The following EIF4G3 variants were observed in gnomAD, a reference collection of about 807,000 sequenced individuals.
EIF4G3 encodes the protein eukaryotic translation initiation factor 4 gamma 3.
A neutral mutation model predicts 186.4 loss-of-function variants in EIF4G3; 34 were observed. The ratio of observed to expected loss-of-function variants is 0.18; its 90% CI spans 0.14 to 0.24. The LOEUF (loss-of-function observed/expected upper bound fraction) is 0.24. Ranked by LOEUF, EIF4G3 falls within the 10% of genes least tolerant of loss-of-function variation. The pLI is 1.00. For missense variants in EIF4G3, 1,536 were observed against 1,948.5 expected, an observed-to-expected ratio of 0.79 and a Z score of 3.99; for synonymous variants, 673 against 679.5, an observed-to-expected ratio of 0.99 and a Z score of 0.15.
chr1:21,094,764 G>C (rs1479303338), intron 2 of EIF4G3, among the ~76,000 whole-genome samples: 1 of 83,022 alleles, frequency 1.2e-5, no homozygotes, highest in Non-Finnish European at 2.5e-5. Context: ...AGAACTTAAA[G>C]TATAATAATA....
intron 3 of EIF4G3, among the ~76,000 whole-genome samples, chr1:21,074,081 T>A (rs1411970195): frequency 6.6e-6 from 1 of 152,232 alleles, no homozygotes; most frequent in East Asian, 1.9e-4. Context: ...TGAATAAATA[T>A]TAATAATATT....
chr1:21,149,039 T>G (rs2097505587), intron 2 of EIF4G3, among the ~76,000 whole-genome samples: 1 of 151,184 alleles, frequency 6.6e-6, no homozygotes, highest in African/African-American at 2.4e-5. Context: ...GAGGTTACAG[T>G]GAGCTATGAT....
At chr1:20,902,209 G>A (rs1056814301) in intron 15 of EIF4G3, among the ~76,000 whole-genome samples, 8 of 151,836 alleles carry the variant, frequency 5.3e-5, no homozygotes, top group African/African-American at 1.4e-4. Context: ...GATTACAGGC[G>A]CACACTACTA....
chr1:20,965,551 C>A (rs2074440953), intron 12 of EIF4G3, among the ~76,000 whole-genome samples: 1 of 96,182 alleles, frequency 1.0e-5, no homozygotes, highest in African/African-American at 3.4e-5. Flanking sequence ...CTGGCTTCCT[C>A]TCCTTCAATG....
At chr1:20,887,149 G>A (rs935836282) in intron 18 of EIF4G3, among the ~76,000 whole-genome samples, 12 of 152,104 alleles carry the variant, frequency 7.9e-5, no homozygotes, top group South Asian at 2.1e-4. Context: ...AAGCAGACCT[G>A]CTGCATGTTG....
chr1:20,951,097 A>G (rs1185211225), intron 12 of EIF4G3, among the ~76,000 whole-genome samples: 1 of 149,834 alleles, frequency 6.7e-6, no homozygotes, highest in African/African-American at 2.5e-5. Context: ...GGGAGTAGGG[A>G]TGGGGAGATT....
chr1:21,080,082 C>T (rs2095718933), intron 3 of EIF4G3, among the ~76,000 whole-genome samples: 1 of 150,668 alleles, frequency 6.6e-6, no homozygotes, highest in African/African-American at 2.4e-5. Context: ...ACCCAGGAAA[C>T]AAAGGTTGCA....
rs1213211201 is a variant in EIF4G3 at position 21,001,246 on chromosome 1, G to C, written c.97C>G (p.Pro33Ala). 2.1e-6 allele frequency: 1 copy of C among 471,426 alleles called. No homozygotes were observed. The highest frequency in any genetic ancestry group is 2.0e-5 in the African/African-American group (1 of 50,066). The allele number at this position is 471,426 out of a possible 1,614,324, so 29.2% of individuals were successfully genotyped here. ...WKRRKVLEQT[P>A]VYRSLAGRGW... is the part of the protein sequence containing the mutation. Reference sequence around the variant, plus strand: ...CTTCCAGCCAAGGACCTGTAAACGGGAGTCTGTTCCAAAACCTTCCTCCTC... The same window carrying C: ...CTTCCAGCCAAGGACCTGTAAACGGCAGTCTGTTCCAAAACCTTCCTCCTC... Residue 33 changes from proline (P) to alanine (A), a missense_variant, in exon 6 of 37, where the codon CCC becomes GCC. By Grantham distance (27) the Pro-to-Ala change is conservative. Transcript: ENST00000602326.
intron 3 of EIF4G3, among the ~76,000 whole-genome samples, chr1:21,074,837 G>A (rs897816107): frequency 1.3e-5 from 2 of 152,180 alleles, no homozygotes; most frequent in South Asian, 2.1e-4. Flanking sequence ...TGGAGAGGCC[G>A]AGCGAGGTGA....
intron 14 of EIF4G3, among the ~76,000 whole-genome samples, chr1:20,927,407 T>C (rs2094984067): frequency 6.6e-6 from 1 of 152,230 alleles, no homozygotes; most frequent in Non-Finnish European, 1.5e-5. Flanking sequence ...GAAACGACTA[T>C]TTCTACAGGT....
intron 36 of EIF4G3, among the ~76,000 whole-genome samples, chr1:20,808,667 C>G (rs192039350): frequency 4.0e-5 from 6 of 151,896 alleles, no homozygotes; most frequent in South Asian, 2.1e-4. Flanking sequence ...GGTGACAGAG[C>G]GAGAGTCCGT....
chr1:20,864,242 T>C lies in EIF4G3; in HGVS notation c.3006+234A>G, dbSNP rs977152230. On this transcript the variant is annotated intron_variant, in intron 22 of 36. Transcript: ENST00000602326. ...AGAAGAAAAAAGAATATGGGACAAA[T>C]AATCTGAAGAATCTACAAACTGGCT... Among the ~76,000 whole-genome samples, 3 of 152,166 alleles carry C rather than the reference T, an allele frequency of 2.0e-5. No homozygotes were observed. The South Asian group carries it at 6.2e-4, about 32-fold the overall frequency.
At chr1:20,900,924 ACTT>A (rs2090079530) in intron 15 of EIF4G3, among the ~76,000 whole-genome samples, 1 of 152,160 alleles carries the variant, frequency 6.6e-6, no homozygotes, top group Non-Finnish European at 1.5e-5. Flanking sequence ...AGTGACAAAT[ACTT>A]CTTTGTTAGA....
intron 2 of EIF4G3, among the ~76,000 whole-genome samples, chr1:21,135,246 T>C (rs2097218128): frequency 1.3e-5 from 2 of 152,326 alleles, no homozygotes; most frequent in South Asian, 4.1e-4. Context: ...ACGCCTGTAA[T>C]CCCAGCACTT....
intron 20 of EIF4G3, among the ~76,000 whole-genome samples, chr1:20,868,765 T>C (rs969298663): frequency 2.0e-5 from 3 of 151,574 alleles, no homozygotes; most frequent in African/African-American, 7.3e-5. Flanking sequence ...AGCAAGGGAG[T>C]CGGTGAGAAT....
intron 2 of EIF4G3, among the ~76,000 whole-genome samples, chr1:21,137,040 T>C (rs558925944): frequency 9.6e-4 from 9 of 9,360 alleles, no homozygotes; most frequent in South Asian, 0.17. Flanking sequence ...TTATTAAAAT[T>C]GATTTTTCCT....
chr1:20,812,754 A>G (rs1460563404), intron 35 of EIF4G3, among the ~76,000 whole-genome samples: 1 of 152,206 alleles, frequency 6.6e-6, no homozygotes, highest in Non-Finnish European at 1.5e-5. Context: ...TTCTTCATGT[A>G]TGTACTTATA....
chr1:21,065,907 A>C (rs755084730), intron 3 of EIF4G3, among the ~76,000 whole-genome samples: 13 of 152,194 alleles, frequency 8.5e-5, no homozygotes, highest in Admixed American at 5.2e-4. Flanking sequence ...TGGGGGTGAG[A>C]GTGTTACAAT....
intron 19 of EIF4G3, among the ~76,000 whole-genome samples, chr1:20,885,648 G>T (rs558948570): frequency 3.3e-5 from 5 of 152,230 alleles, no homozygotes; most frequent in Admixed American, 2.0e-4. Flanking sequence ...TAAAGCAAAA[G>T]ATAAATAAAG....
Sources: allele counts gnomAD v4.1 joint callset (sites outside exome capture counted in the v4.1 genomes callset), GRCh38; gene constraint gnomAD v4.1.1; transcripts MANE v1.5; gene names NCBI Gene and HGNC (gene_info 2026-07-23, HGNC 2026-07-21).